The following DRC9 variants were observed in gnomAD, a reference collection of about 807,000 sequenced individuals.
DRC9 encodes the protein dynein regulatory complex subunit 9.
At chr3:197,938,262 C>T in the DRC9 span, among the ~76,000 whole-genome samples, 1 of 150,186 alleles carries the variant, frequency 6.7e-6, no homozygotes, top group Non-Finnish European at 1.5e-5. Flanking sequence ...GGCTGCACTG[C>T]GCCGAGATCA....
the DRC9 span, chr3:197,891,338 T>G: frequency 1.6e-6 from 1 of 636,598 alleles, no homozygotes; most frequent in Non-Finnish European, 2.9e-6. Context: ...TCTTCTCAGA[T>G]CTGCAGTTCC....
At chr3:197,915,537 G>A in the DRC9 span, among the ~76,000 whole-genome samples, 1 of 152,170 alleles carries the variant, frequency 6.6e-6, no homozygotes, top group Non-Finnish European at 1.5e-5. Flanking sequence ...CCACAGGGAG[G>A]GGACCTGACG....
the DRC9 span, among the ~76,000 whole-genome samples, chr3:197,904,452 C>T: frequency 9.6e-4 from 146 of 152,054 alleles, no homozygotes; most frequent in African/African-American, 3.3e-3. Flanking sequence ...AGGTATATAC[C>T]CAAAAGAAAG....
At chr3:197,955,581 T>C in the DRC9 span, among the ~76,000 whole-genome samples, 2 of 152,086 alleles carry the variant, frequency 1.3e-5, no homozygotes, top group Non-Finnish European at 2.9e-5. Context: ...TTTTTATGAG[T>C]GCCGGTTCTT....
the DRC9 span, among the ~76,000 whole-genome samples, chr3:197,941,184 C>T: frequency 6.9e-6 from 1 of 144,798 alleles, no homozygotes; most frequent in Non-Finnish European, 1.5e-5. Flanking sequence ...CTCTCTCTCC[C>T]CTCTCTCCTC....
the DRC9 span, chr3:197,958,902 C>G: frequency 6.6e-6 from 1 of 152,328 alleles, no homozygotes; most frequent in Admixed American, 6.5e-5. Context: ...GTCCACTACA[C>G]CATTGAAACA....
the DRC9 span, among the ~76,000 whole-genome samples, chr3:197,952,855 CAA>C: frequency 6.7e-6 from 1 of 149,784 alleles, no homozygotes; most frequent in African/African-American, 2.5e-5. Flanking sequence ...TTTTTTGAGA[CAA>C]AGTGTTGCTC....
chr3:197,940,405 C>G, the DRC9 span, among the ~76,000 whole-genome samples: 1 of 151,742 alleles, frequency 6.6e-6, no homozygotes, highest in Non-Finnish European at 1.5e-5. Context: ...AAACAGTATT[C>G]CCTGCAAGAA....
the DRC9 span, among the ~76,000 whole-genome samples, chr3:197,921,734 C>T: frequency 1.4e-3 from 155 of 108,720 alleles, no homozygotes; most frequent in African/African-American, 5.7e-3. Context: ...TCATCTTGGT[C>T]GACCCGACTA....
At chr3:197,899,331 A>G in the DRC9 span, among the ~76,000 whole-genome samples, 2 of 152,360 alleles carry the variant, frequency 1.3e-5, no homozygotes, top group African/African-American at 2.4e-5. Context: ...AAAGCTTCCA[A>G]TTCACGCTGC....
the DRC9 span, among the ~76,000 whole-genome samples, chr3:197,935,023 A>G: frequency 1.3e-5 from 2 of 152,170 alleles, no homozygotes; most frequent in Non-Finnish European, 2.9e-5. Context: ...TAATGTCTTG[A>G]CACAGTTGGC....
At chr3:197,908,069 T>G in the DRC9 span, among the ~76,000 whole-genome samples, 2 of 147,620 alleles carry the variant, frequency 1.4e-5, no homozygotes, top group Non-Finnish European at 1.5e-5. Context: ...CAAGGCATCC[T>G]CCCAGATGAA....
the DRC9 span, among the ~76,000 whole-genome samples, chr3:197,893,654 T>C: frequency 6.2e-5 from 9 of 145,128 alleles, no homozygotes; most frequent in Non-Finnish European, 1.3e-4. Flanking sequence ...CCATCCTGGC[T>C]AACACGGTGA....
chr3:197,951,060 T>G, the DRC9 span: 5 of 1,603,524 alleles, frequency 3.1e-6, no homozygotes, highest in Admixed American at 5.0e-5. Flanking sequence ...AAGAAAAAAC[T>G]TAGATGTTTG....
At chr3:197,905,204 T>A in the DRC9 span, among the ~76,000 whole-genome samples, 1 of 152,114 alleles carries the variant, frequency 6.6e-6, no homozygotes, top group Non-Finnish European at 1.5e-5. Context: ...AATTTAATTG[T>A]AAATTTAAAA....
At chr3:197,897,951 T>TG in the DRC9 span, among the ~76,000 whole-genome samples, 11 of 150,408 alleles carry the variant, frequency 7.3e-5, no homozygotes, top group African/African-American at 2.7e-4. Flanking sequence ...TTTTTTTTTT[T>TG]TTTGTATTTT....
chr3:197,936,865 G>A, the DRC9 span, among the ~76,000 whole-genome samples: 30 of 151,726 alleles, frequency 2.0e-4, no homozygotes, highest in East Asian at 4.2e-3. Context: ...GACATGAAGC[G>A]GGCAATTTAT....
the DRC9 span, chr3:197,950,153 T>A: frequency 8.1e-7 from 1 of 1,231,642 alleles, no homozygotes; most frequent in African/African-American, 1.5e-5. Flanking sequence ...AGTCGAAAGA[T>A]GTTTAATCCC....
chr3:197,950,414 G>A, the DRC9 span: 1 of 981,766 alleles, frequency 1.0e-6, no homozygotes, highest in Non-Finnish European at 1.3e-6. Flanking sequence ...CCGGAGAACG[G>A]CTGCCCGGGT....
Sources: gnomAD v4.1 joint callset for allele counts (sites outside exome capture counted in the v4.1 genomes callset) on GRCh38, gnomAD v4.1.1 for gene constraint, MANE v1.5 for transcripts, NCBI Gene and HGNC (gene_info 2026-07-23, HGNC 2026-07-21) for gene names.